Variants in EYS observed in about 807,000 individuals in gnomAD.
EYS encodes EGF-like photoreceptor maintenance factor.
EYS carries 250 observed loss-of-function variants against 282.1 expected under a neutral mutation model. The observed-to-expected ratio is 0.89, with a 90% confidence interval of 0.80 to 0.98. The LOEUF is 0.98. EYS is among the 50% of genes least tolerant of loss of function. The pLI, the probability that EYS is intolerant of heterozygous loss-of-function variation, is 0.00. For synonymous variants in EYS, 1,355 were observed against 1,282.9 expected, an observed-to-expected ratio of 1.06 and a Z score of -1.20; for missense variants, 4,016 against 3,709.0, an observed-to-expected ratio of 1.08 and a Z score of -2.15.
intron 22 of EYS, among the ~76,000 whole-genome samples, chr6:64,669,652 T>C (rs189663882): frequency 3.3e-5 from 5 of 152,336 alleles, no homozygotes; most frequent in Admixed American, 2.0e-4. Flanking sequence ...TGCAGAGCCT[T>C]GGTTGCTTGG....
chr6:65,192,293 C>CTGTGTGTGTGTGTGTGTGTG (rs58238401), intron 12 of EYS, among the ~76,000 whole-genome samples: 3,147 of 142,796 alleles, frequency 0.022, 55 homozygotes, highest in Admixed American at 0.029. Context: ...TTTTTCTACT[C>CTGTGTGTGTGTGTGTGTGTG]TGTGTGTGTG....
intron 2 of EYS, among the ~76,000 whole-genome samples, chr6:65,620,241 T>G (rs1225822601): frequency 1.3e-5 from 2 of 152,192 alleles, no homozygotes; most frequent in Non-Finnish European, 2.9e-5. Flanking sequence ...ATCCTGTTAT[T>G]GGTCTATTCA....
At chr6:64,429,541 G>T (rs1324780325) in intron 28 of EYS, among the ~76,000 whole-genome samples, 1 of 152,198 alleles carries the variant, frequency 6.6e-6, no homozygotes, top group Non-Finnish European at 1.5e-5. Flanking sequence ...TGAGGAAGGA[G>T]AATCGCTTAA....
chr6:64,948,543 T>C (rs1769372824), intron 14 of EYS, among the ~76,000 whole-genome samples: 1 of 143,970 alleles, frequency 6.9e-6, no homozygotes, highest in Non-Finnish European at 1.5e-5. Flanking sequence ...AAAACTGAAA[T>C]ATAATTAATA....
intron 24 of EYS, among the ~76,000 whole-genome samples, chr6:64,613,313 A>G (rs1441790286): frequency 6.6e-6 from 1 of 151,752 alleles, no homozygotes; most frequent in East Asian, 1.9e-4. Context: ...TTTTTAAAAG[A>G]CACATTGAAT....
intron 2 of EYS, among the ~76,000 whole-genome samples, chr6:65,538,307 A>T (rs2127317862): frequency 6.6e-6 from 1 of 152,254 alleles, no homozygotes; most frequent in South Asian, 2.1e-4. Flanking sequence ...ATTGTTGGAC[A>T]GTTCCAAGGG....
intron 12 of EYS, among the ~76,000 whole-genome samples, chr6:65,091,154 C>T (rs1323571790): frequency 6.6e-6 from 1 of 151,322 alleles, no homozygotes; most frequent in Non-Finnish European, 1.5e-5. Flanking sequence ...TTAAAAACTG[C>T]CAGGCACGGT....
intron 6 of EYS, among the ~76,000 whole-genome samples, chr6:65,404,514 T>C (rs1040098821): frequency 6.6e-6 from 1 of 152,078 alleles, no homozygotes; most frequent in Non-Finnish European, 1.5e-5. Context: ...TCTTTGCCCT[T>C]GTATCTCCAA....
intron 22 of EYS, among the ~76,000 whole-genome samples, chr6:64,695,651 C>G (rs1440353287): frequency 6.8e-6 from 1 of 146,816 alleles, no homozygotes; most frequent in East Asian, 2.0e-4. Flanking sequence ...GTGGCATGAT[C>G]TTAGCTCACT....
chr6:64,435,184 A>G (rs1774700032), intron 28 of EYS, among the ~76,000 whole-genome samples: 1 of 152,078 alleles, frequency 6.6e-6, no homozygotes, highest in African/African-American at 2.4e-5. Flanking sequence ...AAAAGAAAAA[A>G]GATGATTTAT....
chr6:64,135,446 G>C (rs1003410759), intron 31 of EYS, among the ~76,000 whole-genome samples: 1 of 151,986 alleles, frequency 6.6e-6, no homozygotes, highest in East Asian at 1.9e-4. Context: ...TGAGTGAGAA[G>C]GGATTTAAAT....
At chr6:64,593,035 T>A in intron 25 of EYS, 82 bp downstream of exon 25, 1 of 1,077,028 alleles carries the variant, frequency 9.3e-7, no homozygotes, top group Non-Finnish European at 1.3e-6. Context: ...AAAAAAAAGA[T>A]TTTAATAATG....
At chr6:65,166,118 G>A (rs1177196689) in intron 12 of EYS, among the ~76,000 whole-genome samples, 1 of 151,084 alleles carries the variant, frequency 6.6e-6, no homozygotes, top group Non-Finnish European at 1.5e-5. Flanking sequence ...GATGTCCCGT[G>A]TTCATGAATT....
intron 22 of EYS, among the ~76,000 whole-genome samples, chr6:64,784,454 T>C (rs1160433960): frequency 1.3e-5 from 2 of 152,174 alleles, no homozygotes; most frequent in South Asian, 2.1e-4. Context: ...ATAGGTAATA[T>C]GGTTTGCTAG....
intron 29 of EYS, among the ~76,000 whole-genome samples, chr6:64,369,467 G>T (rs2150412752): frequency 6.6e-6 from 1 of 152,160 alleles, no homozygotes; most frequent in East Asian, 1.9e-4. Flanking sequence ...TAGTTGAATG[G>T]GAATAGCATT....
intron 26 of EYS, among the ~76,000 whole-genome samples, chr6:64,527,706 C>T (rs1396604917): frequency 6.6e-6 from 1 of 151,364 alleles, no homozygotes; most frequent in Non-Finnish European, 1.5e-5. Context: ...ATAGTAAGCA[C>T]ATCTTATTTT....
chr6:65,069,919 T>A (rs1773857056), intron 12 of EYS, among the ~76,000 whole-genome samples: 1 of 151,894 alleles, frequency 6.6e-6, no homozygotes, highest in Admixed American at 6.6e-5. Context: ...TTTCTAATCC[T>A]GTTTTTCAGT....
chr6:65,556,655 G>GA (rs991855321), intron 2 of EYS, among the ~76,000 whole-genome samples: 3 of 151,866 alleles, frequency 2.0e-5, no homozygotes, highest in Non-Finnish European at 4.4e-5. Context: ...GGTATTTTCA[G>GA]AAAAAAATAT....
chr6:65,198,771 A>C (rs1765830325), intron 12 of EYS, among the ~76,000 whole-genome samples: 1 of 152,166 alleles, frequency 6.6e-6, no homozygotes, highest in African/African-American at 2.4e-5. Flanking sequence ...TATTAATCCA[A>C]AAGGGGGATT....
Sources: allele counts gnomAD v4.1 joint callset (sites outside exome capture counted in the v4.1 genomes callset), GRCh38; gene constraint gnomAD v4.1.1; transcripts MANE v1.5; gene names NCBI Gene and HGNC (gene_info 2026-07-23, HGNC 2026-07-21).